Variants in EPC2 observed in about 807,000 individuals in gnomAD.
The protein encoded by EPC2 is enhancer of polycomb 2.
Under a neutral mutation model 92.1 loss-of-function variants are expected in EPC2, and 14 were observed. The observed-to-expected ratio is 0.15, with a 90% CI of 0.10 to 0.24. The LOEUF (loss-of-function observed/expected upper bound fraction) is 0.24, where lower values mean the gene tolerates loss of function less well. EPC2 is among the 10% of genes least tolerant of loss of function. The pLI is 1.00. For synonymous variants in EPC2, 340 were observed against 334.7 expected (o/e 1.02, Z -0.17); for missense variants, 755 against 971.5 (o/e 0.78, Z 2.96).
In EPC2 at chr2:148,754,095, G is replaced by C; in HGVS notation, c.628G>C (p.Ala210Pro). The C allele has an allele frequency of 6.2e-7, 1 of 1,608,628 alleles. No individual in the cohort carries two copies. The highest frequency in any genetic ancestry group is 1.1e-5 in the South Asian group (1 of 89,784). The change falls in exon 4 of 14, where the codon GCC becomes CCC. Residue 210 changes from alanine (A) to proline (P), a missense_variant. Ala to Pro is a conservative substitution (Grantham distance 27, BLOSUM62 -1). This residue lies in a region of EPC2 where 509 missense variants were observed against 607.7 expected (regional missense o/e 0.84). Coordinates refer to ENST00000258484, the MANE Select transcript of EPC2 (RefSeq NM_015630.4). ...DGSTNNDPYV[A>P]FRRRTEKMQT... is the part of the protein sequence containing the mutation. ...CTCTACCAACAATGACCCTTATGTT[G>C]CCTTTCGGAGAAGAACAGAGAAAAT...
chr2:148,647,807 A>G (rs1683835783), intron 1 of EPC2, among the ~76,000 whole-genome samples: 2 of 150,782 alleles, frequency 1.3e-5, no homozygotes, highest in South Asian at 4.2e-4. Context: ...TAATTTTTGT[A>G]TTTTTAGTAG....
chr2:148,731,475 T>C (rs1682626451), intron 2 of EPC2, among the ~76,000 whole-genome samples: 1 of 152,222 alleles, frequency 6.6e-6, no homozygotes, highest in Non-Finnish European at 1.5e-5. Flanking sequence ...CAGTCTCCGC[T>C]CACTACAACC....
chr2:148,662,260 G>C (rs954983413), intron 1 of EPC2, among the ~76,000 whole-genome samples: 5 of 152,034 alleles, frequency 3.3e-5, no homozygotes, highest in Non-Finnish European at 5.9e-5. Context: ...TCAGTGTGGC[G>C]ATTCCTCAGG....
chr2:148,754,170 A>G (rs574078591), intron 4 of EPC2, 37 bp downstream of exon 4: 3 of 1,462,934 alleles, frequency 2.1e-6, no homozygotes, highest in South Asian at 2.6e-5. Context: ...AGGTAGCTTA[A>G]TAGTATTCAA....
intron 10 of EPC2, among the ~76,000 whole-genome samples, chr2:148,772,789 A>G (rs1481714348): frequency 1.3e-5 from 2 of 152,192 alleles, no homozygotes; most frequent in South Asian, 2.1e-4. Context: ...TTAGAAATCT[A>G]AAGATAGTAG....
In EPC2 at chr2:148,671,307, T is replaced by G. The variant is rs1458521012; in HGVS notation, c.154-18907T>G. On this transcript the variant is annotated intron_variant, in intron 1 of 13. Transcript: ENST00000258484. ...TTGTGATTTTTTTTTTTTTTTTTTT[T>G]GTAGCATTAAAAAGTCATCTTTTTG... Among the ~76,000 whole-genome samples the G allele has an allele frequency of 4.9e-5, 7 of 144,066 alleles. No homozygotes were observed. In the South Asian group the frequency reaches 1.1e-3, roughly 22 times the overall value. The allele number at this position is 144,066 out of a possible 152,430, so 94.5% of individuals were successfully genotyped here.
At chr2:148,762,054 A>C in intron 5 of EPC2, 124 bp downstream of exon 5, 1 of 771,976 alleles carries the variant, frequency 1.3e-6, no homozygotes, top group Non-Finnish European at 1.9e-6. Flanking sequence ...TTCTGTAAGA[A>C]TTTATATTTT....
intron 1 of EPC2, among the ~76,000 whole-genome samples, chr2:148,679,888 T>A (rs142153089): frequency 2.6e-5 from 4 of 152,288 alleles, no homozygotes; most frequent in Non-Finnish European, 5.9e-5. Flanking sequence ...GCTGAAGCGA[T>A]CCTCCTGTCT....
At chr2:148,774,199 T>G (rs534480809) in intron 10 of EPC2, among the ~76,000 whole-genome samples, 1 of 152,208 alleles carries the variant, frequency 6.6e-6, no homozygotes, top group East Asian at 1.9e-4. Context: ...CACCAGTTCC[T>G]TAGTTCTTAA....
intron 1 of EPC2, among the ~76,000 whole-genome samples, chr2:148,654,067 C>T (rs1212131116): frequency 9.2e-5 from 14 of 151,494 alleles, no homozygotes; most frequent in Non-Finnish European, 1.2e-4. Flanking sequence ...CCTGCCTCAG[C>T]TTCCCAAGTA....
Position 148,776,876 on chromosome 2 carries a change from T to TTTTTTTTTTTTTC in EPC2, c.1721-4766_1721-4765insTTTTTTTTTTCTT, listed in dbSNP as rs1683656855. On this transcript the variant is annotated intron_variant, in intron 10 of 13. Coordinates refer to ENST00000258484, the MANE Select transcript of EPC2 (RefSeq NM_015630.4). The stretch of plus-strand genomic sequence containing the variant: ...TCTCTCTTTTTTTTTTTTTTTTTTT[T>TTTTTTTTTTTTTC]TTGAGACAGAGTCTTGTTCTCTCGC... Among the ~76,000 whole-genome samples, 9 of 104,024 alleles carry TTTTTTTTTTTTTC rather than the reference T, an allele frequency of 8.7e-5. 1 individual carries two copies. The South Asian group carries it at 2.7e-3, about 31-fold the overall frequency. The allele number at this position is 104,024 out of a possible 152,430, so 68.2% of individuals were successfully genotyped here.
chr2:148,737,931 G>T (rs533123501), intron 2 of EPC2, among the ~76,000 whole-genome samples: 1 of 152,310 alleles, frequency 6.6e-6, no homozygotes, highest in African/African-American at 2.4e-5. Flanking sequence ...AGCTGGAGAA[G>T]CCTGCTCTGA....
chr2:148,751,866 A>G (rs773767977), intron 3 of EPC2, among the ~76,000 whole-genome samples: 2 of 152,110 alleles, frequency 1.3e-5, no homozygotes, highest in Non-Finnish European at 1.5e-5. Flanking sequence ...CTCATAAAAT[A>G]GAAAGTTGCT....
intron 3 of EPC2, among the ~76,000 whole-genome samples, chr2:148,744,805 C>T (rs71413635): frequency 7.0e-6 from 1 of 143,244 alleles, no homozygotes; most frequent in East Asian, 2.5e-4. Flanking sequence ...TATTAACATT[C>T]TAAGAAGTTA....
intron 2 of EPC2, among the ~76,000 whole-genome samples, chr2:148,697,338 G>A (rs1050239812): frequency 3.3e-5 from 5 of 151,318 alleles, no homozygotes; most frequent in Non-Finnish European, 5.9e-5. Flanking sequence ...TGGATAAATT[G>A]CAGGGTAGAG....
chr2:148,759,845 A>G (rs1224261441), intron 4 of EPC2, among the ~76,000 whole-genome samples: 2 of 152,180 alleles, frequency 1.3e-5, no homozygotes, highest in African/African-American at 2.4e-5. Context: ...GTAAGACTGA[A>G]ACTATTTCAA....
chr2:148,705,699 C>T (rs1681984622), intron 2 of EPC2, among the ~76,000 whole-genome samples: 1 of 151,926 alleles, frequency 6.6e-6, no homozygotes, highest in South Asian at 2.1e-4. Flanking sequence ...TGGTGATACC[C>T]AAGCAAACGG....
At chr2:148,770,758 A>AGTTTTTT (rs536729563) in intron 8 of EPC2, 34 bp from the exon 9 acceptor site, 1 of 1,579,830 alleles carries the variant, frequency 6.3e-7, no homozygotes, top group Non-Finnish European at 8.6e-7. Flanking sequence ...TTACTCCATG[A>AGTTTTTT]GTTTTTTGTT....
At chr2:148,774,846 G>C (rs1683595103) in intron 10 of EPC2, among the ~76,000 whole-genome samples, 1 of 151,560 alleles carries the variant, frequency 6.6e-6, no homozygotes, top group African/African-American at 2.4e-5. Context: ...CCAGCACTTT[G>C]GGAGGCCGAG....
Sources: allele counts gnomAD v4.1 joint callset (sites outside exome capture counted in the v4.1 genomes callset), GRCh38; gene constraint gnomAD v4.1.1; regional missense constraint gnomAD v4.1.1; transcripts MANE v1.5; gene names NCBI Gene and HGNC (gene_info 2026-07-23, HGNC 2026-07-21).